Variants in P2RY8 observed in about 807,000 individuals in gnomAD.
P2RY8 encodes P2Y receptor family member 8.
P2RY8 carries 6 observed loss-of-function variants against 10.0 expected under a neutral mutation model. The ratio of observed to expected loss-of-function variants is 0.60; its 90% CI spans 0.33 to 1.19. The LOEUF (loss-of-function observed/expected upper bound fraction) is 1.19. P2RY8 is among the 50% of genes most tolerant of loss of function. P2RY8 has a pLI of 0.04. For synonymous variants in P2RY8, 276 were observed against 252.5 expected, an observed-to-expected ratio of 1.09 and a Z score of -0.88; for missense variants, 456 against 542.0, an observed-to-expected ratio of 0.84 and a Z score of 1.58.
chrX:1,512,321 T>C (rs771163524), intron 1 of P2RY8, among the ~76,000 whole-genome samples: 1 of 151,720 alleles, frequency 6.6e-6, no homozygotes, highest in East Asian at 1.9e-4. Flanking sequence ...CCGAGGTGGG[T>C]GGATCACCTG....
At chrX:1,534,411 G>A (rs1326880057) in intron 1 of P2RY8, among the ~76,000 whole-genome samples, 1 of 151,798 alleles carries the variant, frequency 6.6e-6, no homozygotes, top group Non-Finnish European at 1.5e-5. Flanking sequence ...CTGGTCCTTG[G>A]GGGTGATCCT....
Position 1,535,390 on chromosome X carries a change from G to A in P2RY8, c.-25+1531C>T, listed in dbSNP as rs2092516661. 3.3e-5 allele frequency among the ~76,000 whole-genome samples: 5 copies of A among 151,606 alleles called. No individual in the cohort carries two copies. The South Asian group carries it at 1.0e-3, about 32-fold the overall frequency. ...TTTAGTAGAGACGGGGTTTCACTAT[G>A]TTGGCCAGGCTGGTCTCAAACCCCT... On this transcript the variant is annotated intron_variant, in intron 1 of 1. Transcript: ENST00000381297.
intron 1 of P2RY8, among the ~76,000 whole-genome samples, chrX:1,470,202 T>TAAACAAAC (rs369908903): frequency 1.3e-4 from 19 of 143,980 alleles, no homozygotes; most frequent in African/African-American, 2.1e-4. Flanking sequence ...TTACTAAAAT[T>TAAACAAAC]AAACAAACAA....
rs370825946 is a variant in P2RY8, at chrX:1,506,787, T to C, written c.-25+30134A>G. On this transcript the variant is annotated intron_variant, in intron 1 of 1. Coordinates refer to ENST00000381297, the MANE Select transcript of P2RY8 (RefSeq NM_178129.5). ...CTGCCTCCCTGGTTGAAGTGATTCT[T>C]CTGCCTCAGCCTCCCGAGTACCTGG... Among the ~76,000 whole-genome samples, 412 of 151,964 alleles carry C rather than the reference T, an allele frequency of 2.7e-3. 3 individuals carry two copies. Among genetic ancestry groups the C allele is most frequent in the African/African-American group, 9.5e-3 (395 of 41,446 alleles).
At chrX:1,532,345 TATG>T (rs1344573939) in intron 1 of P2RY8, among the ~76,000 whole-genome samples, 24 of 151,290 alleles carry the variant, frequency 1.6e-4, no homozygotes, top group African/African-American at 5.3e-4. Context: ...CATATATGTA[TATG>T]ATGTGTATAT....
At chrX:1,498,405 C>CAAAAA (rs1175667773) in intron 1 of P2RY8, among the ~76,000 whole-genome samples, 2 of 70,602 alleles carry the variant, frequency 2.8e-5, no homozygotes, top group African/African-American at 1.0e-4. Flanking sequence ...GACTCTGTCT[C>CAAAAA]AAAAAAAAAA....
At chrX:1,474,343 G>GTGGATGGATGGA (rs779596494) in intron 1 of P2RY8, among the ~76,000 whole-genome samples, 96 of 121,024 alleles carry the variant, frequency 7.9e-4, no homozygotes, top group Non-Finnish European at 1.3e-3. Context: ...GTATGGGTGT[G>GTGGATGGATGGA]TGGATGGATG....
chrX:1,511,757 C>A (rs868256053), intron 1 of P2RY8, among the ~76,000 whole-genome samples: 1 of 152,218 alleles, frequency 6.6e-6, no homozygotes. Flanking sequence ...GGCATGTCTA[C>A]GGATGGCCAG....
At chrX:1,530,180 C>G (rs191579319) in intron 1 of P2RY8, among the ~76,000 whole-genome samples, 9,331 of 137,114 alleles carry the variant, frequency 0.068, 400 homozygotes, top group Non-Finnish European at 0.086. Context: ...ATCTATCTAT[C>G]TATCTATCTA....
chrX:1,483,722 TAAAACCC>T (rs1462510114), intron 1 of P2RY8, among the ~76,000 whole-genome samples: 1 of 151,868 alleles, frequency 6.6e-6, no homozygotes, highest in African/African-American at 2.4e-5. Flanking sequence ...CAGGCTTCCT[TAAAACCC>T]AAAGAGGGGC....
At position 1,507,628 on chromosome X, in the gene P2RY8, C is replaced by T. The variant is rs1260011289; in HGVS notation, c.-25+29293G>A. Among the ~76,000 whole-genome samples, 8 of 152,104 alleles carry T rather than the reference C, an allele frequency of 5.3e-5. No individual in the cohort carries two copies. In the South Asian group the frequency reaches 8.3e-4, roughly 16 times the overall value. On this transcript the variant is annotated intron_variant, in intron 1 of 1. Coordinates refer to ENST00000381297, the MANE Select transcript of P2RY8 (RefSeq NM_178129.5). ...CGTGACGGCACCCGGTCACAGCACC[C>T]GGCGGAGTCCCCACGTGCCGGCCCC...
At chrX:1,535,348 C>T (rs1468152300) in intron 1 of P2RY8, among the ~76,000 whole-genome samples, 1 of 151,550 alleles carries the variant, frequency 6.6e-6, no homozygotes, top group East Asian at 1.9e-4. Flanking sequence ...CCGCCACACT[C>T]GGCTAATTTT....
chrX:1,476,960 G>T (rs1430335231), intron 1 of P2RY8, among the ~76,000 whole-genome samples: 1 of 152,120 alleles, frequency 6.6e-6, no homozygotes, highest in African/African-American at 2.4e-5. Flanking sequence ...AGGCCGAGGT[G>T]GGTGGATCAC....
intron 1 of P2RY8, among the ~76,000 whole-genome samples, chrX:1,517,237 A>G (rs369306698): frequency 6.6e-6 from 1 of 151,912 alleles, no homozygotes; most frequent in East Asian, 1.9e-4. Context: ...AGAGGAGGAG[A>G]TGAGGGCACA....
At chrX:1,509,745 C>CTATG (rs1470536260) in intron 1 of P2RY8, among the ~76,000 whole-genome samples, 11,868 of 112,212 alleles carry the variant, frequency 0.11, 1,040 homozygotes, top group Non-Finnish European at 0.14. Context: ...ATCTATGTAT[C>CTATG]TATCTGTCTA....
At chrX:1,516,013 T>G (rs1220797267) in intron 1 of P2RY8, among the ~76,000 whole-genome samples, 1 of 57,830 alleles carries the variant, frequency 1.7e-5, no homozygotes, top group South Asian at 9.0e-4. Context: ...TGAAACCCTG[T>G]CTCTACTAAA....
intron 1 of P2RY8, among the ~76,000 whole-genome samples, chrX:1,507,867 G>C (rs1330546133): frequency 7.2e-5 from 11 of 152,154 alleles, no homozygotes; most frequent in African/African-American, 2.7e-4. Context: ...ACCCACGGCT[G>C]ATAACATGTA....
At chrX:1,484,736 AAAAAAAAAAAAAGAAGAAG>A (rs1279877751) in intron 1 of P2RY8, among the ~76,000 whole-genome samples, 1 of 138,894 alleles carries the variant, frequency 7.2e-6, no homozygotes, top group Non-Finnish European at 1.6e-5. Context: ...AAAAAAAAAA[AAAAAAAAAAAAAGAAGAAG>A]AAGAAGAAGA....
chrX:1,467,948 G>A (rs181847246), intron 1 of P2RY8, among the ~76,000 whole-genome samples: 1 of 151,320 alleles, frequency 6.6e-6, no homozygotes, highest in East Asian at 1.9e-4. Flanking sequence ...TGAGTAGCTG[G>A]GACTACAGGT....
Sources: allele counts gnomAD v4.1 joint callset (sites outside exome capture counted in the v4.1 genomes callset), GRCh38; gene constraint gnomAD v4.1.1; transcripts MANE v1.5; gene names NCBI Gene and HGNC (gene_info 2026-07-23, HGNC 2026-07-21).